ZBTB7B: variants seen among roughly 807,000 people sequenced by gnomAD.
ZBTB7B encodes zinc finger and BTB domain-containing protein 7B.
ZBTB7B carries 8 observed loss-of-function variants against 31.0 expected under a neutral mutation model. The observed-to-expected ratio is 0.26, with a 90% confidence interval of 0.15 to 0.47. The LOEUF (loss-of-function observed/expected upper bound fraction) is 0.47. ZBTB7B is among the 20% of genes least tolerant of loss of function. The pLI, the probability that ZBTB7B is intolerant of heterozygous loss-of-function variation, is 0.99. For synonymous variants in ZBTB7B, 261 were observed against 307.3 expected, an observed-to-expected ratio of 0.85 and a Z score of 1.58; for missense variants, 494 against 742.4, an observed-to-expected ratio of 0.67 and a Z score of 3.89.
In ZBTB7B at chr1:155,003,481, T is replaced by A. The variant is rs1173985337; in HGVS notation, c.-7+538T>A. Among the ~76,000 whole-genome samples, 1 of 152,168 alleles carries A rather than the reference T, an allele frequency of 6.6e-6. No individual in the cohort carries two copies. Among genetic ancestry groups the A allele is most frequent in the African/African-American group, 2.4e-5 (1 of 41,452 alleles). On this transcript the variant is annotated intron_variant, in intron 1 of 2. Coordinates refer to ENST00000535420, the MANE Select transcript of ZBTB7B (RefSeq NM_001256455.2). This position sits in a 1 kb window ranked among gnomAD's most constrained non-coding sequence, Gnocchi z 5.8. ...GTTACCGGCTGGACTATTCGGTTTC[T>A]TGCGCTTCCAGAGCCGCGCTCTCTC...
At position 155,003,975 on chromosome 1, in the gene ZBTB7B, T is replaced by G. The variant is rs1161413269; in HGVS notation, c.-7+1032T>G. 6.6e-6 allele frequency among the ~76,000 whole-genome samples: 1 copy of G among 151,980 alleles called. No homozygotes were observed. The highest frequency in any genetic ancestry group is 2.4e-5 in the African/African-American group (1 of 41,386). ...CAGGCGCCCCGGCCCTGCTGGTGTT[T>G]AGAGAGAGGGCGGGTCCCCTGCCCC... On this transcript the variant is annotated intron_variant, in intron 1 of 2. Transcript: ENST00000535420. The surrounding 1 kb of genome is among the most constrained non-coding windows in gnomAD (Gnocchi z 5.8).
intron 1 of ZBTB7B, among the ~76,000 whole-genome samples, chr1:155,009,510 A>G (rs918303414): frequency 1.3e-5 from 2 of 152,056 alleles, no homozygotes; most frequent in African/African-American, 4.8e-5. Context: ...CAAGTGGACA[A>G]TTGCCTGGTC....
upstream of ZBTB7B, among the ~76,000 whole-genome samples, chr1:155,002,031 C>T (rs554541995): frequency 6.6e-6 from 1 of 152,078 alleles, no homozygotes; most frequent in African/African-American, 2.4e-5. Flanking sequence ...TCCTGAGGTC[C>T]TGACCCTACA....
chr1:155,011,351 T>C (rs557103712), intron 1 of ZBTB7B, among the ~76,000 whole-genome samples: 218 of 152,360 alleles, frequency 1.4e-3, no homozygotes, highest in African/African-American at 4.9e-3. Flanking sequence ...TTTGGTTTCT[T>C]GGTGCTGGAC....
chr1:155,010,949 A>G, intron 1 of ZBTB7B: 1 of 1,534,750 alleles, frequency 6.5e-7, no homozygotes, highest in Non-Finnish European at 8.7e-7. Flanking sequence ...ATCCTCCCTC[A>G]CCCCAAGCTG....
In ZBTB7B at chr1:155,016,834, A is replaced by C; in HGVS notation, c.*149A>C. ...CCTTCCTCCCAGAGCCCTCATTCCA[A>C]TTCCAAGCTAAGAAGGTATTGGGGC... On this transcript the variant is annotated 3_prime_UTR_variant, in exon 3 of 3. Coordinates refer to ENST00000535420, the MANE Select transcript of ZBTB7B (RefSeq NM_001256455.2). This position sits in a 1 kb window ranked among gnomAD's most constrained non-coding sequence, Gnocchi z 4.3. 1 of 593,386 alleles carries C rather than the reference A, an allele frequency of 1.7e-6. No homozygotes were observed. Among genetic ancestry groups the C allele is most frequent in the Non-Finnish European group, 3.0e-6 (1 of 335,792 alleles). 36.8% of individuals were successfully genotyped at this position (593,386 alleles called of 1,614,324 possible). A position where few individuals can be genotyped will look rare whatever the true frequency, so the allele number is the denominator to read the frequency against.
At chr1:155,002,249 G>A (rs961319600), upstream of ZBTB7B, among the ~76,000 whole-genome samples, 107 of 151,940 alleles carry the variant, frequency 7.0e-4, 1 homozygote, top group African/African-American at 2.6e-3. Context: ...GCAGGGGGCG[G>A]GCAGAGCAGC....
At chr1:155,013,795 C>T (rs1336646406) in intron 1 of ZBTB7B, among the ~76,000 whole-genome samples, 3 of 150,956 alleles carry the variant, frequency 2.0e-5, no homozygotes, top group East Asian at 2.0e-4. Context: ...GAAGCACCCG[C>T]GCCAGCCAGT....
intron 1 of ZBTB7B, chr1:155,010,791 C>T (rs1658909119): frequency 1.3e-6 from 1 of 789,130 alleles, no homozygotes; most frequent in African/African-American, 1.7e-5. Flanking sequence ...AGGAAGAGAA[C>T]CTGAGGCTGG....
Position 155,015,161 on chromosome 1 carries a change from C to T in ZBTB7B, c.501C>T (p.Ala167=). 6.2e-7 allele frequency: 1 copy of T among 1,613,748 alleles called. No individual in the cohort carries two copies. Among genetic ancestry groups the T allele is most frequent in the Non-Finnish European group, 8.5e-7 (1 of 1,180,022 alleles). ...CCCGCCAGTATCTGGAGGCCTTTGC[C>T]ACAGCCACGGCCTCTGGAGTTCCCA... ...ERARQYLEAF[A]TATASGVPNG... is the part of the protein sequence containing the mutation. The change falls in exon 2 of 3, where the codon GCC becomes GCT. Residue 167 remains alanine, a synonymous_variant. Transcript: ENST00000535420.
At chr1:155,009,442 G>A (rs1335255161) in intron 1 of ZBTB7B, among the ~76,000 whole-genome samples, 2 of 152,140 alleles carry the variant, frequency 1.3e-5, no homozygotes, top group Admixed American at 6.5e-5. Context: ...CAGGCCCTAA[G>A]GGGAGCTGGC....
intron 1 of ZBTB7B, chr1:155,011,089 G>A: frequency 7.7e-7 from 1 of 1,304,058 alleles, no homozygotes; most frequent in Non-Finnish European, 1.1e-6. Context: ...TTTCTCTGCT[G>A]CTAATCCTGG....
rs1248650656 is a variant in ZBTB7B, at chr1:155,017,502, C to T, written c.*817C>T. On this transcript the variant is annotated 3_prime_UTR_variant, in exon 3 of 3. Coordinates refer to ENST00000535420, the MANE Select transcript of ZBTB7B (RefSeq NM_001256455.2). ...CAGGGCGGGCCGGGCGGCGTCCTACCCTCTTCTCCTCCTCCCCATCTCCTC... is the reference window on the plus strand; with the variant it reads ...CAGGGCGGGCCGGGCGGCGTCCTACTCTCTTCTCCTCCTCCCCATCTCCTC... 1.3e-5 allele frequency: 2 copies of T among 152,896 alleles called. No individual in the cohort carries two copies. The highest frequency in any genetic ancestry group is 2.4e-5 in the African/African-American group (1 of 41,474). 9.5% of individuals were successfully genotyped at this position (152,896 alleles called of 1,614,324 possible).
rs893368681 is a variant in ZBTB7B at position 155,018,502 on chromosome 1, A to G, written c.*1817A>G. The G allele has an allele frequency of 2.5e-6, 4 of 1,581,446 alleles. No homozygotes were observed. The East Asian group carries it at 9.0e-5, about 36-fold the overall frequency. On this transcript the variant is annotated 3_prime_UTR_variant, in exon 3 of 3. Coordinates refer to ENST00000535420, the MANE Select transcript of ZBTB7B (RefSeq NM_001256455.2). ...ACCTCGGGTGTAAGCGACAGGAAGA[A>G]ATAATAATAATTTAAGATTCACACT...
intron 1 of ZBTB7B, among the ~76,000 whole-genome samples, chr1:155,007,910 G>A (rs1173151245): frequency 6.6e-6 from 1 of 152,144 alleles, no homozygotes; most frequent in African/African-American, 2.4e-5. Context: ...GCAGGATTTG[G>A]GATGGCCTAG....
chr1:155,015,509 A>G lies in ZBTB7B; in HGVS notation c.849A>G (p.Val283=). 1.2e-6 allele frequency: 2 copies of G among 1,613,746 alleles called. No individual in the cohort carries two copies. The highest frequency in any genetic ancestry group is 1.7e-6 in the Non-Finnish European group (2 of 1,179,862). ...GTGAGGAAGAAGAAGAGGAGCTGGT[A>G]TATCCCCCAGCCTATGGGCTGGCGC... ...YEGEEEEEEL[V]YPPAYGLAQG... The change falls in exon 2 of 3, where the codon GTA becomes GTG. Residue 283 remains valine (V), a synonymous_variant. Transcript: ENST00000535420.
At chr1:155,005,453 A>G (rs4845402) in intron 1 of ZBTB7B, among the ~76,000 whole-genome samples, 130,805 of 152,172 alleles carry the variant, frequency 0.86, 56,325 homozygotes, top group East Asian at 1. Context: ...TCAGATGGAG[A>G]AGGTTTGGCC....
chr1:155,005,852 T>TC (rs376409277), intron 1 of ZBTB7B, among the ~76,000 whole-genome samples: 39 of 151,346 alleles, frequency 2.6e-4, no homozygotes, highest in African/African-American at 8.5e-4. Flanking sequence ...CGCTGCCCCC[T>TC]CCCCCCCACT....
At chr1:155,010,550 C>T (rs1182181177) in intron 1 of ZBTB7B, among the ~76,000 whole-genome samples, 2 of 152,126 alleles carry the variant, frequency 1.3e-5, no homozygotes, top group Non-Finnish European at 2.9e-5. Flanking sequence ...TGAAGCCCTT[C>T]TAGTCCTCAT....
Sources: gnomAD v4.1 joint callset for allele counts (sites outside exome capture counted in the v4.1 genomes callset) on GRCh38, gnomAD v4.1.1 for gene constraint, Gnocchi (gnomAD v3.1) non-coding constraint, MANE v1.5 for transcripts, NCBI Gene and HGNC (gene_info 2026-07-23, HGNC 2026-07-21) for gene names.